Variants in TACC2 observed in about 807,000 individuals in gnomAD.
TACC2 encodes the protein transforming acidic coiled-coil-containing protein 2.
TACC2 carries 137 observed loss-of-function variants against 227.3 expected under a neutral mutation model. The observed-to-expected ratio is 0.60, with a 90% CI of 0.52 to 0.69. TACC2 has a LOEUF of 0.69. TACC2 is among the 30% of genes least tolerant of loss of function. The pLI is 0.00. For missense variants in TACC2, 3,470 were observed against 3,694.4 expected (o/e 0.94, Z 1.57); for synonymous variants, 1,523 against 1,487.5 (o/e 1.02, Z -0.55).
chr10:122,090,440 G>A (rs879616527), intron 5 of TACC2, among the ~76,000 whole-genome samples: 67 of 151,008 alleles, frequency 4.4e-4, no homozygotes, highest in Middle Eastern at 3.4e-3. Flanking sequence ...CCAGCTACTC[G>A]GGAGGCTGAG....
In TACC2 at chr10:122,114,540, C is replaced by A. The variant is rs11594320; in HGVS notation, c.5574-18069C>A. Among the ~76,000 whole-genome samples, 457 of 152,254 alleles carry A rather than the reference C, an allele frequency of 3.0e-3. 5 individuals are homozygous for A. The highest frequency in any genetic ancestry group is 4.8e-3 in the Non-Finnish European group (329 of 68,018). On this transcript the variant is annotated intron_variant, in intron 5 of 22. Coordinates refer to ENST00000369005, the MANE Select transcript of TACC2 (RefSeq NM_206862.4). Reference sequence around the variant, plus strand: ...TGAGAATGGGACCAGTTGAGCCAGGCGGGTGAGTGGATTCCCACGGGGCTC... The same window carrying A: ...TGAGAATGGGACCAGTTGAGCCAGGAGGGTGAGTGGATTCCCACGGGGCTC...
intron 3 of TACC2, among the ~76,000 whole-genome samples, chr10:122,056,757 C>A (rs1295255149): frequency 1.3e-5 from 2 of 152,116 alleles, no homozygotes; most frequent in East Asian, 1.9e-4. Flanking sequence ...TGAGTGCAGA[C>A]CCAGGTGGTG....
At chr10:122,097,236 G>A (rs2081545932) in intron 5 of TACC2, among the ~76,000 whole-genome samples, 2 of 152,154 alleles carry the variant, frequency 1.3e-5, no homozygotes, top group Non-Finnish European at 2.9e-5. Context: ...GGCTGAGGTG[G>A]GAGGATCGCT....
In TACC2 at chr10:122,254,163, C is replaced by T. The variant is rs1446174545; in HGVS notation, c.*107C>T. 2.3e-6 allele frequency: 2 copies of T among 875,546 alleles called. No individual in the cohort carries two copies. Among genetic ancestry groups the T allele is most frequent in the African/African-American group, 1.6e-5 (1 of 60,698 alleles). The allele number at this position is 875,546 out of a possible 1,614,324, so 54.2% of individuals were successfully genotyped here. A position where few individuals can be genotyped will look rare whatever the true frequency, so the allele number is the denominator to read the frequency against. On this transcript the variant is annotated 3_prime_UTR_variant, in exon 23 of 23. Transcript: ENST00000369005. ...GGTTCTGTTTTCACTTTTTCGTATG[C>T]ACTACTGTATTTCCTTTCTAAATAA... is the stretch of plus-strand genomic sequence containing the variant.
chr10:122,122,120 C>G (rs1565361088), intron 5 of TACC2, among the ~76,000 whole-genome samples: 1 of 152,206 alleles, frequency 6.6e-6, no homozygotes, highest in Non-Finnish European at 1.5e-5. Context: ...CTCTGGGAGG[C>G]CGAGGCGGGT....
chr10:122,025,524 G>A (rs1207021602), intron 2 of TACC2, among the ~76,000 whole-genome samples: 1 of 151,872 alleles, frequency 6.6e-6, no homozygotes, highest in East Asian at 1.9e-4. Context: ...GCCTCTCAAA[G>A]TGCTGAGATT....
chr10:122,094,526 A>G (rs2081171068), intron 5 of TACC2, among the ~76,000 whole-genome samples: 1 of 151,998 alleles, frequency 6.6e-6, no homozygotes, highest in African/African-American at 2.4e-5. Flanking sequence ...CAATCCTCCC[A>G]CCTTGGCCTC....
At chr10:122,219,848 G>T (rs2095489009) in intron 11 of TACC2, among the ~76,000 whole-genome samples, 1 of 152,028 alleles carries the variant, frequency 6.6e-6, no homozygotes, top group African/African-American at 2.4e-5. Context: ...AACCAGCCTG[G>T]CCAATATGGA....
At chr10:122,252,062 A>T (rs1232037158) in intron 22 of TACC2, among the ~76,000 whole-genome samples, 1 of 152,244 alleles carries the variant, frequency 6.6e-6, no homozygotes, top group Non-Finnish European at 1.5e-5. Flanking sequence ...GAGCTTTATG[A>T]TGAGGCAGTT....
intron 2 of TACC2, among the ~76,000 whole-genome samples, chr10:122,029,396 A>G (rs558813427): frequency 2.0e-5 from 3 of 152,210 alleles, no homozygotes; most frequent in East Asian, 1.9e-4. Flanking sequence ...GTTGGATTCA[A>G]TTTGCTAACA....
At position 122,211,138 on chromosome 10, in the gene TACC2, C is replaced by T. The variant is rs776111533; in HGVS notation, c.6713C>T (p.Thr2238Met). 19 of 1,608,722 alleles carry T rather than the reference C, an allele frequency of 1.2e-5. No individual in the cohort carries two copies. Among genetic ancestry groups the T allele is most frequent in the African/African-American group, 4.0e-5 (3 of 74,704 alleles). ...GGGAGGAAAACGCTGCCTCTTACCACGGCCCCGGAGGCAGGGGAGGTAACC... is the reference window on the plus strand; with the variant it reads ...GGGAGGAAAACGCTGCCTCTTACCATGGCCCCGGAGGCAGGGGAGGTAACC... ...PVGRKTLPLT[T>M]APEAGEVTPS... The change falls in exon 9 of 23, where the codon ACG becomes ATG. Residue 2238 changes from threonine to methionine, a missense_variant. Thr to Met is a moderately conservative substitution (Grantham distance 81). Transcript: ENST00000369005.
At chr10:122,227,781 T>C in intron 13 of TACC2, 56 bp from the exon 14 acceptor site, 2 of 1,555,138 alleles carry the variant, frequency 1.3e-6, no homozygotes, top group Non-Finnish European at 8.7e-7. Flanking sequence ...TCCTGGTTGA[T>C]TTCAGTGGGT....
chr10:122,043,800 G>A (rs1056527699), intron 2 of TACC2, among the ~76,000 whole-genome samples: 8 of 152,168 alleles, frequency 5.3e-5, no homozygotes, highest in African/African-American at 1.9e-4. Flanking sequence ...GCCTGGGTTC[G>A]AACTCCTGAC....
intron 7 of TACC2, among the ~76,000 whole-genome samples, chr10:122,191,656 T>C (rs546695477): frequency 1.3e-5 from 2 of 152,342 alleles, no homozygotes; most frequent in South Asian, 4.1e-4. Context: ...TATAGAAATA[T>C]AGATATTTTA....
chr10:122,085,244 C>T lies in TACC2; in HGVS notation c.2744C>T (p.Thr915Ile). Residue 915 changes from threonine to isoleucine, a missense_variant, in exon 4 of 23, where the codon ACT becomes ATT. Coordinates refer to ENST00000369005, the MANE Select transcript of TACC2 (RefSeq NM_206862.4). ...LPKGTLSDTP[T>I]SSPTDMVWES... ...AAAGGCACCCTGTCTGATACTCCAA[C>T]TTCATCTCCCACTGACATGGTTTGG... 1 of 1,614,098 alleles carries T rather than the reference C, an allele frequency of 6.2e-7. No individual in the cohort carries two copies. Among genetic ancestry groups the T allele is most frequent in the Non-Finnish European group, 8.5e-7 (1 of 1,180,034 alleles).
At chr10:122,101,718 C>T (rs2082175452) in intron 5 of TACC2, among the ~76,000 whole-genome samples, 1 of 137,158 alleles carries the variant, frequency 7.3e-6, no homozygotes, top group Admixed American at 7.8e-5. Flanking sequence ...TGCCACCATG[C>T]CCAGCTTTTT....
chr10:122,000,130 G>A (rs911581750), intron 1 of TACC2, among the ~76,000 whole-genome samples: 5 of 152,194 alleles, frequency 3.3e-5, no homozygotes, highest in African/African-American at 1.2e-4. Context: ...GTTGGCTCAC[G>A]CCTGTAATCC....
chr10:122,092,858 G>A (rs1256670749), intron 5 of TACC2, among the ~76,000 whole-genome samples: 1 of 152,216 alleles, frequency 6.6e-6, no homozygotes, highest in Admixed American at 6.5e-5. Flanking sequence ...CTGTGGAAGA[G>A]CCTGGGACTC....
At chr10:122,044,664 G>A (rs913403969) in intron 2 of TACC2, among the ~76,000 whole-genome samples, 3 of 149,112 alleles carry the variant, frequency 2.0e-5, no homozygotes, top group Admixed American at 6.9e-5. Context: ...GTGATGGAGC[G>A]TTTAAGAGGT....
Sources: allele counts gnomAD v4.1 joint callset (sites outside exome capture counted in the v4.1 genomes callset), GRCh38; gene constraint gnomAD v4.1.1; transcripts MANE v1.5; gene names NCBI Gene and HGNC (gene_info 2026-07-23, HGNC 2026-07-21).